STK38: variants seen among roughly 807,000 people sequenced by gnomAD.
The protein encoded by STK38 is serine/threonine-protein kinase 38.
In STK38, 26 loss-of-function variants were observed where a neutral mutation model predicts 59.0. That is an observed-to-expected ratio of 0.44 (90% CI 0.32 to 0.61). STK38 has a LOEUF of 0.61. Among genes scored for constraint, STK38 ranks in the 20% least tolerant of loss-of-function variants. The pLI is 0.04. For synonymous variants in STK38, 175 were observed against 176.6 expected (o/e 0.99, Z 0.07); for missense variants, 433 against 566.0 (o/e 0.76, Z 2.38).
In STK38 at chr6:36,495,787, T is replaced by A. The variant is rs1346449856; in HGVS notation, c.1395A>T (p.Lys465Asn). ...ATAGGATTCCGTGGCAAGAGTACTATTTTGCTGCTTTCATGTAGGAAGGTA... is the reference window on the plus strand; with the variant it reads ...ATAGGATTCCGTGGCAAGAGTACTAATTTGCTGCTTTCATGTAGGAAGGTA... ...GAIPSYMKAA[K>N] The change falls in exon 14 of 14, where the codon AAA becomes AAT. Residue 465 changes from lysine to asparagine, a missense_variant. Around this residue, in one of 3 missense-constraint regions of STK38, gnomAD observed 136 missense variants for 156.7 expected, o/e 0.87. Coordinates refer to ENST00000229812, the MANE Select transcript of STK38 (RefSeq NM_007271.4). The A allele has an allele frequency of 6.2e-7, 1 of 1,613,882 alleles. No homozygotes were observed. The highest frequency in any genetic ancestry group is 8.5e-7 in the Non-Finnish European group (1 of 1,179,842).
rs530339857 is a variant in STK38 at position 36,527,384 on chromosome 6, CAT to C, written c.132-1744_132-1743del. Among the ~76,000 whole-genome samples, 848 of 140,730 alleles carry C rather than the reference CAT, an allele frequency of 6.0e-3. 8 individuals are homozygous for C. The highest frequency in any genetic ancestry group is 0.021 in the African/African-American group (793 of 36,978). 92.3% of individuals were successfully genotyped at this position (140,730 alleles called of 152,430 possible). On this transcript the variant is annotated intron_variant, in intron 2 of 13. Coordinates refer to ENST00000229812, the MANE Select transcript of STK38 (RefSeq NM_007271.4). The stretch of plus-strand genomic sequence containing the variant: ...ATATTAGTACACACACACACACACA[CAT>C]ATATGTATATAAAAATTAGCTGGGC...
chr6:36,524,567 T>A, intron 3 of STK38, 104 bp from the exon 4 acceptor site: 1 of 1,182,238 alleles, frequency 8.5e-7, no homozygotes, highest in Non-Finnish European at 1.2e-6. Context: ...CAGGTCCAAG[T>A]GGACTAAGGA....
intron 5 of STK38, among the ~76,000 whole-genome samples, chr6:36,521,336 T>C (rs1484181450): frequency 3.3e-5 from 5 of 152,106 alleles, no homozygotes; most frequent in African/African-American, 1.2e-4. Flanking sequence ...GATTATAAAT[T>C]CCAAATTCTA....
chr6:36,515,533 C>CACACAG (rs750616375), intron 6 of STK38, 41 bp from the exon 7 acceptor site: 1 of 1,601,118 alleles, frequency 6.2e-7, no homozygotes, highest in East Asian at 2.2e-5. Flanking sequence ...CACACACACA[C>CACACAG]ACACACACAC....
chr6:36,529,772 G>A (rs908347839), intron 2 of STK38, among the ~76,000 whole-genome samples: 1 of 152,174 alleles, frequency 6.6e-6, no homozygotes, highest in Non-Finnish European at 1.5e-5. Flanking sequence ...GCAATGTGCA[G>A]ACACATTCAT....
At chr6:36,515,198 C>T (rs1391639155) in intron 7 of STK38, 140 bp downstream of exon 7, 4 of 908,966 alleles carry the variant, frequency 4.4e-6, no homozygotes, top group Non-Finnish European at 6.4e-6. Flanking sequence ...AGCAAACTTA[C>T]CTGTTTAAAA....
At chr6:36,497,331 C>T (rs993938081) in intron 12 of STK38, among the ~76,000 whole-genome samples, 2 of 152,224 alleles carry the variant, frequency 1.3e-5, no homozygotes, top group Non-Finnish European at 2.9e-5. Context: ...GGCTATTGGC[C>T]GTAGTCTACT....
At chr6:36,504,958 G>T (rs1288540344) in intron 9 of STK38, among the ~76,000 whole-genome samples, 1 of 110,394 alleles carries the variant, frequency 9.1e-6, no homozygotes, top group Admixed American at 8.5e-5. Context: ...AGAAAGAAAA[G>T]AAATCACAGA....
chr6:36,504,822 G>C (rs1776920554), intron 9 of STK38, among the ~76,000 whole-genome samples: 1 of 140,960 alleles, frequency 7.1e-6, no homozygotes, highest in Non-Finnish European at 1.5e-5. Flanking sequence ...TGGAATATAA[G>C]GAACAATTCA....
intron 7 of STK38, among the ~76,000 whole-genome samples, chr6:36,513,946 G>C (rs574315954): frequency 1.3e-5 from 2 of 150,848 alleles, no homozygotes; most frequent in South Asian, 4.2e-4. Context: ...ACAAGGTCAG[G>C]AGATCGAGAC....
At chr6:36,508,973 G>A (rs1306068862) in intron 7 of STK38, among the ~76,000 whole-genome samples, 3 of 152,236 alleles carry the variant, frequency 2.0e-5, no homozygotes, top group Non-Finnish European at 4.4e-5. Flanking sequence ...AGAAACCGCA[G>A]AGCCCTAAAG....
rs1205194403 is a variant in STK38, at chr6:36,515,329, C to CCCCAATA, written c.669+2_669+8dup. On this transcript the variant is annotated intron_variant, in intron 7 of 13. Coordinates refer to ENST00000229812, the MANE Select transcript of STK38 (RefSeq NM_007271.4). Reference sequence around the variant, plus strand: ...ACGTGCATAGTTCATGCCAATGCCCCCCCAATACCTTGCTGTCCAAAAGAA... The same window carrying CCCCAATA: ...ACGTGCATAGTTCATGCCAATGCCCCCCCAATACCCAATACCTTGCTGTCCAAAAGAA... The CCCCAATA allele has an allele frequency of 6.2e-7, 1 of 1,613,520 alleles. No individual in the cohort carries two copies. Among genetic ancestry groups the CCCCAATA allele is most frequent in the African/African-American group, 1.3e-5 (1 of 74,832 alleles).
At chr6:36,503,131 C>G (rs1413057978) in intron 9 of STK38, among the ~76,000 whole-genome samples, 1 of 152,180 alleles carries the variant, frequency 6.6e-6, no homozygotes, top group Admixed American at 6.5e-5. Context: ...AATTGCAGCG[C>G]TGTAGGGTGT....
Position 36,521,755 on chromosome 6 carries a change from T to G in STK38, c.369A>C (p.Ala123=), listed in dbSNP as rs1346643726. 3 of 1,610,988 alleles carry G rather than the reference T, an allele frequency of 1.9e-6. No homozygotes were observed. Among genetic ancestry groups the G allele is most frequent in the African/African-American group, 2.7e-5 (2 of 74,846 alleles). ...TTACCTGCTCTTTTTCAAGCATATCTGCTTTACGGAGTATTTTCATTGCAT... is the reference window on the plus strand; with the variant it reads ...TTACCTGCTCTTTTTCAAGCATATCGGCTTTACGGAGTATTTTCATTGCAT... ...HVYAMKILRK[A]DMLEKEQVGH... Residue 123 remains alanine (A), a synonymous_variant, in exon 5 of 14, where the codon GCA becomes GCC. Coordinates refer to ENST00000229812, the MANE Select transcript of STK38 (RefSeq NM_007271.4).
At chr6:36,516,912 T>G (rs1777268723) in intron 6 of STK38, among the ~76,000 whole-genome samples, 2 of 152,230 alleles carry the variant, frequency 1.3e-5, no homozygotes, top group African/African-American at 4.8e-5. Flanking sequence ...GCTCTTACTC[T>G]TATTTAAGAA....
intron 2 of STK38, among the ~76,000 whole-genome samples, chr6:36,530,009 G>C (rs1050834352): frequency 6.6e-6 from 1 of 152,192 alleles, no homozygotes; most frequent in African/African-American, 2.4e-5. Context: ...GGGAGGCTGA[G>C]GCTCGCACAC....
intron 2 of STK38, among the ~76,000 whole-genome samples, chr6:36,537,355 A>G (rs1177480281): frequency 3.3e-5 from 5 of 152,342 alleles, no homozygotes; most frequent in African/African-American, 1.2e-4. Context: ...AACTAAACAT[A>G]TAGCTATGTA....
intron 7 of STK38, among the ~76,000 whole-genome samples, chr6:36,509,523 G>C (rs1345290299): frequency 2.0e-5 from 3 of 147,740 alleles, no homozygotes; most frequent in Non-Finnish European, 4.4e-5. Context: ...GGGATGTAAA[G>C]AAACTGATGT....
At chr6:36,509,591 A>T (rs1340260382) in intron 7 of STK38, among the ~76,000 whole-genome samples, 1 of 132,800 alleles carries the variant, frequency 7.5e-6, no homozygotes, top group African/African-American at 2.9e-5. Flanking sequence ...GAGGCGCAGG[A>T]CTGCTCTCTC....
Sources: gnomAD v4.1 joint callset for allele counts (sites outside exome capture counted in the v4.1 genomes callset) on GRCh38, gnomAD v4.1.1 for gene constraint, gnomAD v4.1.1 regional missense constraint, MANE v1.5 for transcripts, NCBI Gene and HGNC (gene_info 2026-07-23, HGNC 2026-07-21) for gene names.